The following STK31 variants were observed in gnomAD, a reference collection of about 807,000 sequenced individuals.
The protein encoded by STK31 is serine/threonine kinase 31.
A neutral mutation model predicts 129.7 loss-of-function variants in STK31; 89 were observed. The ratio of observed to expected loss-of-function variants is 0.69; its 90% CI spans 0.58 to 0.82. STK31 has a LOEUF of 0.82. Ranked by LOEUF, STK31 falls within the 40% of genes least tolerant of loss-of-function variation. The pLI, the probability that STK31 is intolerant of heterozygous loss-of-function variation, is 0.00. For missense variants in STK31, 1,187 were observed against 1,176.4 expected (o/e 1.01, Z -0.13); for synonymous variants, 448 against 395.3 (o/e 1.13, Z -1.58).
At chr7:23,716,738 T>C (rs1319432984) in intron 3 of STK31, among the ~76,000 whole-genome samples, 1 of 151,984 alleles carries the variant, frequency 6.6e-6, no homozygotes, top group African/African-American at 2.4e-5. Flanking sequence ...GGGACAAAGT[T>C]CACCAAAGAA....
At chr7:23,720,470 C>T (rs569637959) in intron 4 of STK31, among the ~76,000 whole-genome samples, 1 of 152,192 alleles carries the variant, frequency 6.6e-6, no homozygotes, top group African/African-American at 2.4e-5. Context: ...TCAAGAGTCA[C>T]ACGTAACAAT....
intron 3 of STK31, among the ~76,000 whole-genome samples, chr7:23,715,905 A>G (rs1201251634): frequency 6.6e-6 from 1 of 152,160 alleles, no homozygotes; most frequent in Non-Finnish European, 1.5e-5. Flanking sequence ...ACTTACAGGA[A>G]TGTTGCAAAA....
intron 10 of STK31, among the ~76,000 whole-genome samples, chr7:23,758,108 A>G (rs1789216287): frequency 6.6e-6 from 1 of 152,232 alleles, no homozygotes; most frequent in Non-Finnish European, 1.5e-5. Context: ...ACAGAACAAA[A>G]TGGAGTCTCT....
At position 23,804,523 on chromosome 7, in the gene STK31, G is replaced by C. The variant is rs375509998; in HGVS notation, c.2761-10621G>C. 1.1e-4 allele frequency among the ~76,000 whole-genome samples: 16 copies of C among 152,130 alleles called. No individual in the cohort carries two copies. In the East Asian group the frequency reaches 3.1e-3, roughly 29 times the overall value. On this transcript the variant is annotated intron_variant, in intron 22 of 23. Transcript: ENST00000355870. ...AAAAATAGTTCCATGTTTTTTTCCT[G>C]AGTTCATTTACTTACCTCTCATTTA...
chr7:23,827,459 A>G (rs1794240771), intron 23 of STK31, among the ~76,000 whole-genome samples: 4 of 152,032 alleles, frequency 2.6e-5, no homozygotes, highest in African/African-American at 9.7e-5. Context: ...AGGTCCTTTA[A>G]GGACTTCTCT....
intron 4 of STK31, chr7:23,722,361 CT>C (rs982263194): frequency 6.5e-6 from 1 of 153,862 alleles, no homozygotes; most frequent in Non-Finnish European, 1.4e-5. Context: ...ACTCCAGACC[CT>C]GTTTGCCTGG....
At chr7:23,772,333 C>T (rs141473304) in intron 15 of STK31, 55 bp downstream of exon 15, 2 of 1,541,804 alleles carry the variant, frequency 1.3e-6, no homozygotes, top group East Asian at 2.3e-5. Flanking sequence ...TTTACTTGGT[C>T]TCTGCTTCAT....
In STK31 at chr7:23,783,638, C is replaced by T; in HGVS notation, c.2123C>T (p.Pro708Leu). Residue 708 changes from proline to leucine, a missense_variant, in exon 17 of 24, where the codon CCT becomes CTT. Physicochemically the swap from Pro to Leu is moderately conservative, Grantham distance 98. Around this residue, in one of 5 missense-constraint regions of STK31, gnomAD observed 975 missense variants for 934.9 expected, o/e 1.04. Transcript: ENST00000355870. ...KWFPELPLLH[P>L]EIGLLKYMNS... ...TTCCCTGAGCTGCCTCTGCTTCATC[C>T]TGAAATAGGATTACTCAAATACATG... is the stretch of plus-strand genomic sequence containing the variant. 2 of 1,611,938 alleles carry T rather than the reference C, an allele frequency of 1.2e-6. No homozygotes were observed. Among genetic ancestry groups the T allele is most frequent in the Non-Finnish European group, 1.7e-6 (2 of 1,179,324 alleles).
At chr7:23,713,730 C>T (rs904663058) in intron 3 of STK31, among the ~76,000 whole-genome samples, 5 of 152,028 alleles carry the variant, frequency 3.3e-5, no homozygotes, top group Non-Finnish European at 5.9e-5. Context: ...TCTTCAGGGT[C>T]AGTAATGTGC....
intron 11 of STK31, among the ~76,000 whole-genome samples, chr7:23,768,171 C>T (rs1318531357): frequency 1.3e-5 from 2 of 152,056 alleles, no homozygotes; most frequent in Non-Finnish European, 2.9e-5. Context: ...AATTATAGTA[C>T]TTAACTGTAC....
intron 8 of STK31, among the ~76,000 whole-genome samples, chr7:23,750,067 T>TCCCTCCCC (rs1491409499): frequency 1.1e-5 from 1 of 90,556 alleles, no homozygotes; most frequent in Admixed American, 1.4e-4. Flanking sequence ...ATGGTTTGTT[T>TCCCTCCCC]CCCCCCCCGC....
chr7:23,711,364 G>C (rs553788164), intron 1 of STK31, among the ~76,000 whole-genome samples: 21 of 151,932 alleles, frequency 1.4e-4, no homozygotes, highest in Non-Finnish European at 2.9e-4. Context: ...TTGAACCCGG[G>C]GGGTGGAGGT....
intron 8 of STK31, among the ~76,000 whole-genome samples, chr7:23,741,476 A>G (rs1013889513): frequency 3.3e-5 from 5 of 152,190 alleles, no homozygotes; most frequent in African/African-American, 9.6e-5. Flanking sequence ...GTATACTCTC[A>G]TGTAACCTGA....
At chr7:23,768,168 G>C (rs948220868) in intron 11 of STK31, among the ~76,000 whole-genome samples, 4 of 152,182 alleles carry the variant, frequency 2.6e-5, no homozygotes, top group Non-Finnish European at 5.9e-5. Flanking sequence ...TAAAATTATA[G>C]TACTTAACTG....
At chr7:23,829,828 G>A (rs1436353778) in intron 23 of STK31, among the ~76,000 whole-genome samples, 1 of 152,162 alleles carries the variant, frequency 6.6e-6, no homozygotes, top group African/African-American at 2.4e-5. Flanking sequence ...GTCTGTTCAT[G>A]TTTTCTATTT....
At chr7:23,711,064 T>C (rs1473080834) in intron 1 of STK31, among the ~76,000 whole-genome samples, 3 of 152,222 alleles carry the variant, frequency 2.0e-5, no homozygotes, top group Non-Finnish European at 4.4e-5. Context: ...ATTTTATTTT[T>C]CTGTGATGAG....
intron 15 of STK31, among the ~76,000 whole-genome samples, chr7:23,776,365 C>T (rs1221424630): frequency 6.6e-6 from 1 of 152,040 alleles, no homozygotes; most frequent in Admixed American, 6.6e-5. Flanking sequence ...AGGGAGGATT[C>T]CCTCTTTTTC....
At position 23,832,462 on chromosome 7, in the gene STK31, T is replaced by C; in HGVS notation, c.*96T>C. On this transcript the variant is annotated 3_prime_UTR_variant, in exon 24 of 24. Coordinates refer to ENST00000355870, the MANE Select transcript of STK31 (RefSeq NM_031414.5). ...AAATGTTCTGGGACTAGTTGAGTTG[T>C]ATCTTTAGTATTCAGGTTGTGAAAA... 1 of 841,512 alleles carries C rather than the reference T, an allele frequency of 1.2e-6. No homozygotes were observed. Among genetic ancestry groups the C allele is most frequent in the Non-Finnish European group, 1.9e-6 (1 of 530,220 alleles). 52.1% of individuals were successfully genotyped at this position (841,512 alleles called of 1,614,324 possible). A position where few individuals can be genotyped will look rare whatever the true frequency, so the allele number is the denominator to read the frequency against.
intron 6 of STK31, among the ~76,000 whole-genome samples, chr7:23,734,213 G>A (rs778937261): frequency 6.6e-6 from 1 of 152,142 alleles, no homozygotes; most frequent in Admixed American, 6.5e-5. Flanking sequence ...TTTATAGAGT[G>A]GGAATGTAGC....
Sources: gnomAD v4.1 joint callset for allele counts (sites outside exome capture counted in the v4.1 genomes callset) on GRCh38, gnomAD v4.1.1 for gene constraint, gnomAD v4.1.1 regional missense constraint, MANE v1.5 for transcripts, NCBI Gene and HGNC (gene_info 2026-07-23, HGNC 2026-07-21) for gene names.